Variants in CRYZL1 observed in about 807,000 individuals in gnomAD.
CRYZL1 encodes ferry endosomal RAB5 effector complex subunit 4.
A neutral mutation model predicts 50.6 loss-of-function variants in CRYZL1; 34 were observed. That is an observed-to-expected ratio of 0.67 (90% CI 0.51 to 0.89). The LOEUF is 0.89. CRYZL1 is among the 40% of genes least tolerant of loss of function. The pLI is 0.00. For missense variants in CRYZL1, 354 were observed against 402.3 expected (o/e 0.88, Z 1.03); for synonymous variants, 125 against 134.3 (o/e 0.93, Z 0.48).
chr21:33,589,833 C>T lies in CRYZL1; in HGVS notation c.1039G>A (p.Val347Ile). Residue 347 changes from valine (V) to isoleucine (I), a missense_variant, in exon 13 of 13, where the codon GTT becomes ATT. Val to Ile is a conservative substitution (Grantham distance 29, BLOSUM62 3). Transcript: ENST00000381554. ...GAGAAAGAAGAAAATTAAAATTGAA[C>T]AACTTGCTTTTTTCTTCCTTGATTT... Reference protein sequence around the residue: ...QKNQGRKKQVVQF With the variant: ...QKNQGRKKQVIQF 4 of 1,605,854 alleles carry T rather than the reference C, an allele frequency of 2.5e-6. No homozygotes were observed. The highest frequency in any genetic ancestry group is 3.4e-6 in the Non-Finnish European group (4 of 1,172,914).
At chr21:33,616,984 A>G (rs1305467415) in intron 4 of CRYZL1, 8 of 293,616 alleles carry the variant, frequency 2.7e-5, no homozygotes. Flanking sequence ...TGTGACCAGG[A>G]GAAGTATCTC....
At chr21:33,628,513 T>C (rs1029777108) in intron 2 of CRYZL1, among the ~76,000 whole-genome samples, 2 of 152,176 alleles carry the variant, frequency 1.3e-5, no homozygotes, top group Admixed American at 6.6e-5. Context: ...GTTTTCATCG[T>C]AGAGATATTT....
At chr21:33,614,212 A>G (rs1253516894) in intron 5 of CRYZL1, among the ~76,000 whole-genome samples, 5 of 149,846 alleles carry the variant, frequency 3.3e-5, no homozygotes, top group African/African-American at 9.8e-5. Flanking sequence ...TGGGTTGGGC[A>G]TGGTGGTTCA....
At chr21:33,621,707 G>A (rs535086952) in intron 4 of CRYZL1, among the ~76,000 whole-genome samples, 14 of 152,190 alleles carry the variant, frequency 9.2e-5, no homozygotes, top group African/African-American at 3.4e-4. Flanking sequence ...AGCTGTCCTG[G>A]GCTGCATGCT....
At chr21:33,620,587 G>C (rs1432085663) in intron 4 of CRYZL1, among the ~76,000 whole-genome samples, 1 of 151,426 alleles carries the variant, frequency 6.6e-6, no homozygotes, top group African/African-American at 2.4e-5. Flanking sequence ...GATGTGGGCA[G>C]ATCACTTGAG....
chr21:33,625,364 C>T (rs1229252963), intron 2 of CRYZL1, among the ~76,000 whole-genome samples: 1 of 152,026 alleles, frequency 6.6e-6, no homozygotes, highest in African/African-American at 2.4e-5. Flanking sequence ...ACTGTGTTAG[C>T]CAGGATGGTC....
intron 4 of CRYZL1, chr21:33,616,992 C>G: frequency 3.6e-6 from 1 of 277,330 alleles, no homozygotes; most frequent in Non-Finnish European, 6.7e-6. Context: ...GGAGAAGTAT[C>G]TCTCTCTTTG....
At chr21:33,637,788 T>TATATATATATATATATATATACACAC (rs1491462371) in intron 1 of CRYZL1, among the ~76,000 whole-genome samples, 12 of 117,210 alleles carry the variant, frequency 1.0e-4, no homozygotes, top group Admixed American at 1.8e-4. Flanking sequence ...TATATATATA[T>TATATATATATATATATATATACACAC]ACACACACAC....
At chr21:33,594,298 C>T (rs2086672553) in intron 11 of CRYZL1, among the ~76,000 whole-genome samples, 1 of 151,132 alleles carries the variant, frequency 6.6e-6, no homozygotes, top group Non-Finnish European at 1.5e-5. Context: ...GGACTACAGG[C>T]GTGTGCCACC....
intron 5 of CRYZL1, among the ~76,000 whole-genome samples, chr21:33,614,087 G>A (rs562754749): frequency 9.9e-5 from 15 of 151,092 alleles, no homozygotes; most frequent in East Asian, 3.9e-4. Context: ...CAGGAGAATC[G>A]CTTGAACCTG....
intron 1 of CRYZL1, chr21:33,639,755 T>C (rs2087254131): frequency 6.5e-6 from 1 of 153,252 alleles, no homozygotes; most frequent in Admixed American, 6.5e-5. Context: ...TAATTTCATG[T>C]CTTTATTATG....
At chr21:33,599,110 A>G (rs2086724412) in intron 9 of CRYZL1, 40 bp downstream of exon 9, 4 of 1,581,434 alleles carry the variant, frequency 2.5e-6, no homozygotes, top group Non-Finnish European at 3.4e-6. Context: ...TCATCAAACT[A>G]AAAAAACTAC....
intron 4 of CRYZL1, among the ~76,000 whole-genome samples, chr21:33,620,080 C>A (rs2086976341): frequency 6.6e-6 from 1 of 152,118 alleles, no homozygotes; most frequent in African/African-American, 2.4e-5. Flanking sequence ...AATGAATGAT[C>A]ATCTAGTTAT....
At chr21:33,620,560 C>T (rs1367268928) in intron 4 of CRYZL1, among the ~76,000 whole-genome samples, 1 of 151,666 alleles carries the variant, frequency 6.6e-6, no homozygotes, top group Non-Finnish European at 1.5e-5. Context: ...CCTGTAATCC[C>T]AGCACTTTGG....
intron 1 of CRYZL1, among the ~76,000 whole-genome samples, chr21:33,634,697 C>A (rs766938017): frequency 5.9e-5 from 9 of 151,768 alleles, no homozygotes; most frequent in Non-Finnish European, 8.8e-5. Flanking sequence ...GCCTTGATTT[C>A]AAAGCATCTT....
In CRYZL1 at chr21:33,589,635, CA is replaced by C; in HGVS notation, c.*186del. 1 of 567,664 alleles carries C rather than the reference CA, an allele frequency of 1.8e-6. No individual in the cohort carries two copies. The highest frequency in any genetic ancestry group is 2.4e-5 in the South Asian group (1 of 41,410). 35.2% of individuals were successfully genotyped at this position (567,664 alleles called of 1,614,324 possible). On this transcript the variant is annotated 3_prime_UTR_variant, in exon 13 of 13. Coordinates refer to ENST00000381554, the MANE Select transcript of CRYZL1 (RefSeq NM_145858.3). The stretch of plus-strand genomic sequence containing the variant: ...ATGTTAATTATAGAATTATCTTGAT[CA>C]TTTGCACAAGAATTTTTCAAACACT...
intron 4 of CRYZL1, 132 bp downstream of exon 4, chr21:33,621,864 A>G: frequency 1.8e-6 from 1 of 553,978 alleles, no homozygotes; most frequent in Non-Finnish European, 3.1e-6. Context: ...AAAATAAAAA[A>G]GGACATGTTC....
At chr21:33,636,295 T>C (rs1026978164) in intron 1 of CRYZL1, among the ~76,000 whole-genome samples, 1 of 151,682 alleles carries the variant, frequency 6.6e-6, no homozygotes, top group Non-Finnish European at 1.5e-5. Context: ...TATCTAGGCA[T>C]TGGAGGCTGC....
chr21:33,597,699 G>A (rs528181918), intron 9 of CRYZL1, among the ~76,000 whole-genome samples: 21 of 152,164 alleles, frequency 1.4e-4, no homozygotes, highest in African/African-American at 4.3e-4. Context: ...TGCAAGCTCC[G>A]CCTCCCGGGT....
Sources: gnomAD v4.1 joint callset for allele counts (sites outside exome capture counted in the v4.1 genomes callset) on GRCh38, gnomAD v4.1.1 for gene constraint, MANE v1.5 for transcripts, NCBI Gene and HGNC (gene_info 2026-07-23, HGNC 2026-07-21) for gene names.